CNTNAP5: variants seen among roughly 807,000 people sequenced by gnomAD.
CNTNAP5 encodes contactin associated protein family member 5, also known as contactin-associated protein-like 5.
A neutral mutation model predicts 150.2 loss-of-function variants in CNTNAP5; 72 were observed. The ratio of observed to expected loss-of-function variants is 0.48; its 90% CI spans 0.40 to 0.58. The LOEUF (loss-of-function observed/expected upper bound fraction) is 0.58, where lower values mean the gene tolerates loss of function less well. Ranked by LOEUF, CNTNAP5 falls within the 20% of genes least tolerant of loss-of-function variation. The pLI is 0.00. For synonymous variants in CNTNAP5, 672 were observed against 619.8 expected (o/e 1.08, Z -1.25); for missense variants, 1,636 against 1,626.2 (o/e 1.01, Z -0.10).
Position 124,504,413 on chromosome 2 carries a change from A to G in CNTNAP5, c.1184A>G (p.Gln395Arg). The change falls in exon 8 of 24, where the codon CAG (glutamine) becomes CGG (arginine). Residue 395 changes from glutamine to arginine, a missense_variant. By Grantham distance (43) the Gln-to-Arg change is conservative (BLOSUM62 1). Transcript: ENST00000682447. ...PQIDGLSVSF[Q>R]FRTWNKDGLL... ...ATTGATGGGCTCTCAGTGAGTTTCCAGTTTCGAACATGGAACAAGGATGGT... is the reference window on the plus strand; with the variant it reads ...ATTGATGGGCTCTCAGTGAGTTTCCGGTTTCGAACATGGAACAAGGATGGT... 1 of 1,613,894 alleles carries G rather than the reference A, an allele frequency of 6.2e-7. No homozygotes were observed. The highest frequency in any genetic ancestry group is 2.2e-5 in the East Asian group (1 of 44,860).
chr2:124,261,068 A>G (rs181375789), intron 3 of CNTNAP5, among the ~76,000 whole-genome samples: 11 of 152,268 alleles, frequency 7.2e-5, no homozygotes, highest in Admixed American at 6.5e-4. Context: ...AAGGAGTTCT[A>G]TGTATCAGAA....
In CNTNAP5 at chr2:124,900,974, G is replaced by A. The variant is rs1011487060; in HGVS notation, c.3437-1908G>A. Among the ~76,000 whole-genome samples, 5 of 151,726 alleles carry A rather than the reference G, an allele frequency of 3.3e-5. No homozygotes were observed. The East Asian group carries it at 5.8e-4, about 18-fold the overall frequency. On this transcript the variant is annotated intron_variant, in intron 21 of 23. Transcript: ENST00000682447. ...TAAAGTTTTTTGTGAGATGCTTTATGTGGGACACAGTCTTTTAATGCTCAT... is the reference window on the plus strand; with the variant it reads ...TAAAGTTTTTTGTGAGATGCTTTATATGGGACACAGTCTTTTAATGCTCAT...
At chr2:124,233,053 TTC>T (rs1237235602) in intron 2 of CNTNAP5, among the ~76,000 whole-genome samples, 1 of 151,440 alleles carries the variant, frequency 6.6e-6, no homozygotes, top group Non-Finnish European at 1.5e-5. Context: ...TTTTTTTTTT[TTC>T]ATTACAAAAG....
At chr2:124,274,072 T>A (rs1232213925) in intron 3 of CNTNAP5, among the ~76,000 whole-genome samples, 1 of 152,206 alleles carries the variant, frequency 6.6e-6, no homozygotes, top group Non-Finnish European at 1.5e-5. Flanking sequence ...TTTAAGCAAA[T>A]GTACCCCAGA....
Position 124,495,375 on chromosome 2 carries a change from C to T in CNTNAP5, c.1063-8917C>T, listed in dbSNP as rs187630184. Among the ~76,000 whole-genome samples, 294 of 152,218 alleles carry T rather than the reference C, an allele frequency of 1.9e-3. 1 individual carries two copies. The highest frequency in any genetic ancestry group is 3.1e-3 in the Non-Finnish European group (211 of 68,016). ...ATTCATAGTTCCAAATAGCTTTGTG[C>T]AATATTTGCTAACGGATATTAAAAA... On this transcript the variant is annotated intron_variant, in intron 7 of 23. Transcript: ENST00000682447.
chr2:124,307,935 A>G (rs1317290260), intron 3 of CNTNAP5, among the ~76,000 whole-genome samples: 1 of 152,174 alleles, frequency 6.6e-6, no homozygotes, highest in Admixed American at 6.5e-5. Flanking sequence ...AACCTACAAT[A>G]TATGACAAAG....
intron 1 of CNTNAP5, among the ~76,000 whole-genome samples, chr2:124,074,241 A>T (rs1389368951): frequency 6.6e-6 from 1 of 152,126 alleles, no homozygotes; most frequent in Non-Finnish European, 1.5e-5. Flanking sequence ...GGGTACAAAA[A>T]GTAGTTGGAA....
intron 1 of CNTNAP5, among the ~76,000 whole-genome samples, chr2:124,139,673 T>C (rs943155863): frequency 1.3e-5 from 2 of 152,180 alleles, no homozygotes; most frequent in Non-Finnish European, 2.9e-5. Flanking sequence ...GGTCTCTCAT[T>C]AGTGCACACT....
intron 3 of CNTNAP5, among the ~76,000 whole-genome samples, chr2:124,311,180 A>AT (rs1046022478): frequency 2.6e-5 from 4 of 151,842 alleles, no homozygotes; most frequent in African/African-American, 9.7e-5. Context: ...ATAACCTATC[A>AT]TTTTTTTCCC....
intron 17 of CNTNAP5, among the ~76,000 whole-genome samples, chr2:124,785,941 A>G (rs559348574): frequency 1.6e-4 from 25 of 152,238 alleles, no homozygotes; most frequent in East Asian, 5.8e-4. Context: ...CCAGGCATAG[A>G]AAGAAGCAGA....
chr2:124,650,640 T>C (rs1678301619), intron 13 of CNTNAP5, among the ~76,000 whole-genome samples: 1 of 152,198 alleles, frequency 6.6e-6, no homozygotes, highest in Non-Finnish European at 1.5e-5. Flanking sequence ...GTTTTTCCTT[T>C]ATCAGATGAA....
intron 1 of CNTNAP5, among the ~76,000 whole-genome samples, chr2:124,132,917 G>A (rs192093338): frequency 5.5e-4 from 84 of 152,090 alleles, no homozygotes; most frequent in Admixed American, 4.7e-3. Context: ...CCTACTCCTC[G>A]CACCTCTGTC....
intron 3 of CNTNAP5, among the ~76,000 whole-genome samples, chr2:124,334,766 A>G (rs1316196876): frequency 6.6e-6 from 1 of 152,082 alleles, no homozygotes; most frequent in African/African-American, 2.4e-5. Flanking sequence ...TTTTCTTTCA[A>G]TTCAATCTTC....
rs542994583 is a variant in CNTNAP5, at chr2:124,025,685, C to T, written c.35C>T (p.Thr12Ile). ...DSLPRLTSVLTLLFSGLWHLG... is the reference protein window; with the variant it reads ...DSLPRLTSVLILLFSGLWHLG... ...TTACCACGGCTGACCAGCGTTTTGA[C>T]TTTGCTGTTCTCTGGCTTGTGGCAT... The change falls in exon 1 of 24, where the codon ACT becomes ATT. Residue 12 changes from threonine (T) to isoleucine (I), a missense_variant. Transcript: ENST00000682447. The T allele has an allele frequency of 6.2e-7, 1 of 1,613,874 alleles. No individual in the cohort carries two copies. Among genetic ancestry groups the T allele is most frequent in the South Asian group, 1.1e-5 (1 of 91,074 alleles).
At chr2:124,227,640 ATG>A (rs200129722) in intron 2 of CNTNAP5, among the ~76,000 whole-genome samples, 19,639 of 143,184 alleles carry the variant, frequency 0.14, 1,600 homozygotes, top group East Asian at 0.3. Context: ...CATCGTGTGT[ATG>A]TGTGTGTGTG....
rs78820214 is a variant in CNTNAP5 at position 124,277,795 on chromosome 2, C to G, written c.381+35402C>G. Among the ~76,000 whole-genome samples the G allele has an allele frequency of 3.9e-3, 595 of 152,234 alleles. 1 individual carries two copies. Among genetic ancestry groups the G allele is most frequent in the Middle Eastern group, 6.8e-3 (2 of 292 alleles). ...AATTCAAGGCTGATAGGGCAAACAT[C>G]AAGAAACTAGTAAGTGCAGGAGCTA... is the stretch of plus-strand genomic sequence containing the variant. On this transcript the variant is annotated intron_variant, in intron 3 of 23. Transcript: ENST00000682447.
intron 9 of CNTNAP5, among the ~76,000 whole-genome samples, chr2:124,526,993 A>G (rs567026162): frequency 1.6e-4 from 25 of 152,340 alleles, no homozygotes; most frequent in African/African-American, 5.3e-4. Context: ...ATATAAAAGA[A>G]TAGCAAATAG....
chr2:124,094,929 C>T (rs1682900085), intron 1 of CNTNAP5, among the ~76,000 whole-genome samples: 1 of 152,182 alleles, frequency 6.6e-6, no homozygotes, highest in Admixed American at 6.5e-5. Context: ...AAAGAATCCA[C>T]CATGGTGGGC....
chr2:124,549,443 C>A (rs1450963908), intron 10 of CNTNAP5, among the ~76,000 whole-genome samples: 1 of 152,242 alleles, frequency 6.6e-6, no homozygotes, highest in East Asian at 1.9e-4. Context: ...CTATCCATAA[C>A]AAATAAATAC....
Sources: gnomAD v4.1 joint callset for allele counts (sites outside exome capture counted in the v4.1 genomes callset) on GRCh38, gnomAD v4.1.1 for gene constraint, MANE v1.5 for transcripts, NCBI Gene and HGNC (gene_info 2026-07-23, HGNC 2026-07-21) for gene names.